Variants in SCNN1A observed in about 807,000 individuals in gnomAD.
SCNN1A encodes the protein epithelial sodium channel subunit alpha.
Under a neutral mutation model 68.6 loss-of-function variants are expected in SCNN1A, and 65 were observed. The observed-to-expected ratio is 0.95, with a 90% CI of 0.78 to 1.16. The LOEUF (loss-of-function observed/expected upper bound fraction) is 1.16. Among genes scored for constraint, SCNN1A ranks in the 50% most tolerant of loss-of-function variants. SCNN1A has a pLI of 0.00. For missense variants in SCNN1A, 880 were observed against 865.9 expected, an observed-to-expected ratio of 1.02 and a Z score of -0.20; for synonymous variants, 357 against 353.3, an observed-to-expected ratio of 1.01 and a Z score of -0.12.
At chr12:6,369,833 C>CAAAAAAAAAAAAAAAAA (rs397850777) in intron 2 of SCNN1A, among the ~76,000 whole-genome samples, 1 of 93,630 alleles carries the variant, frequency 1.1e-5, no homozygotes, top group African/African-American at 4.1e-5. Context: ...GACTCTGTCT[C>CAAAAAAAAAAAAAAAAA]AAAAAAAAAA....
chr12:6,371,569 TGGGGCGGGGGGC>T (rs1463738409), intron 2 of SCNN1A, among the ~76,000 whole-genome samples: 1 of 14,644 alleles, frequency 6.8e-5, no homozygotes, highest in Non-Finnish European at 1.3e-4. Context: ...GGGGTGGGGG[TGGGGCGGGGGGC>T]GGGGGATGAT....
intron 8 of SCNN1A, among the ~76,000 whole-genome samples, chr12:6,352,102 T>G (rs1948398941): frequency 6.6e-6 from 1 of 152,134 alleles, no homozygotes; most frequent in Non-Finnish European, 1.5e-5. Context: ...CCAAAACTGA[T>G]TATATGATGA....
At chr12:6,360,102 T>C (rs1007720905) in intron 4 of SCNN1A, among the ~76,000 whole-genome samples, 6 of 152,186 alleles carry the variant, frequency 3.9e-5, no homozygotes, top group African/African-American at 1.2e-4. Context: ...CAAAATGGAC[T>C]AACACACAGG....
rs748661953 is a variant in SCNN1A at position 6,354,857 on chromosome 12, C to A, written c.1144-9G>T. ...AGTCTGTCCAGGGTTTCCTATGAAC[C>A]CACATACACCAAGAGATCAGAGGAC... On this transcript the variant is annotated splice_polypyrimidine_tract_variant and intron_variant, in intron 6 of 12. Coordinates refer to ENST00000228916, the MANE Select transcript of SCNN1A (RefSeq NM_001038.6). The A allele has an allele frequency of 2.0e-5, 32 of 1,606,970 alleles. No homozygotes were observed. The Admixed American group carries it at 4.0e-4, about 20-fold the overall frequency.
In SCNN1A at chr12:6,363,479, C is replaced by T. The variant is rs780536807; in HGVS notation, c.648G>A (p.Gln216=). The T allele has an allele frequency of 3.7e-6, 6 of 1,606,020 alleles. No individual in the cohort carries two copies. The highest frequency in any genetic ancestry group is 3.3e-5 in the South Asian group (3 of 90,024). Reference sequence around the variant, plus strand: ...CGATCTTCCAGTCCTTCCAGTCCACCTGGGGGTTGTTGTCCCGCAAGCTGG... The same window carrying T: ...CGATCTTCCAGTCCTTCCAGTCCACTTGGGGGTTGTTGTCCCGCAAGCTGG... ...VASSLRDNNP[Q]VDWKDWKIGF... is the part of the protein sequence containing the mutation. Residue 216 remains glutamine (Q), a synonymous_variant, in exon 3 of 13, where the codon CAG becomes CAA. Coordinates refer to ENST00000228916, the MANE Select transcript of SCNN1A (RefSeq NM_001038.6).
At chr12:6,361,968 T>G in intron 4 of SCNN1A, 83 bp downstream of exon 4, 1 of 1,451,938 alleles carries the variant, frequency 6.9e-7, no homozygotes, top group Non-Finnish European at 9.6e-7. Flanking sequence ...AAGCATTTCC[T>G]GGGCCCTGCC....
At chr12:6,375,263 C>G in intron 1 of SCNN1A, 1 of 1,438,314 alleles carries the variant, frequency 7.0e-7, no homozygotes, top group Non-Finnish European at 9.1e-7. Context: ...TCTGGCCTGC[C>G]TCCTCTCTCT....
chr12:6,366,787 C>T lies in SCNN1A; in HGVS notation c.417-3077G>A, dbSNP rs182738419. 4.0e-3 allele frequency among the ~76,000 whole-genome samples: 583 copies of T among 145,194 alleles called. 3 individuals are homozygous for T. The highest frequency in any genetic ancestry group is 0.014 in the African/African-American group (560 of 39,080). On this transcript the variant is annotated intron_variant, in intron 2 of 12. Coordinates refer to ENST00000228916, the MANE Select transcript of SCNN1A (RefSeq NM_001038.6). ...TGCACTCCAGCCTGGGCAACCAGAG[C>T]GAAACTCCATCTCAAAAAAAAAAAA...
At chr12:6,370,946 T>TGGAAACATGACTGTAGGCTCATGTTTTCC (rs1352402532) in intron 2 of SCNN1A, among the ~76,000 whole-genome samples, 1 of 152,158 alleles carries the variant, frequency 6.6e-6, no homozygotes, top group Non-Finnish European at 1.5e-5. Flanking sequence ...TGACTGTAGG[T>TGGAAACATGACTGTAGGCTCATGTTTTCC]ATGACTGGCC....
rs181776220 is a variant in SCNN1A, at chr12:6,369,673, A to T, written c.416+4695T>A. On this transcript the variant is annotated intron_variant, in intron 2 of 12. Transcript: ENST00000228916. ...CGGCGAAACCCCGTCTCTACTAAAA[A>T]AGTATGATAAATTAGCCGGGCATGG... Among the ~76,000 whole-genome samples, 464 of 152,230 alleles carry T rather than the reference A, an allele frequency of 3.0e-3. 2 individuals carry two copies. The Middle Eastern group carries it at 0.034, about 11-fold the overall frequency.
chr12:6,365,363 C>T (rs2364468), intron 2 of SCNN1A, among the ~76,000 whole-genome samples: 41,741 of 152,106 alleles, frequency 0.27, 7,326 homozygotes, highest in East Asian at 0.46. Context: ...GCTTCTAAGA[C>T]TTATCTGGAA....
chr12:6,362,427 T>C (rs1025374633), intron 3 of SCNN1A, among the ~76,000 whole-genome samples, 186 bp from the exon 4 acceptor site: 1 of 151,886 alleles, frequency 6.6e-6, no homozygotes, highest in Non-Finnish European at 1.5e-5. Flanking sequence ...CAGGGGAGCA[T>C]GGGATTAAGG....
chr12:6,347,881 C>T lies in SCNN1A; in HGVS notation c.2002G>A (p.Gly668Arg). 6.2e-7 allele frequency: 1 copy of T among 1,602,022 alleles called. No individual in the cohort carries two copies. The highest frequency in any genetic ancestry group is 8.5e-7 in the Non-Finnish European group (1 of 1,174,682). Reference sequence around the variant, plus strand: ...AAACCTCTCCTTCCCTCTCAGGGCCCCCCCAGAGGACAGGTGGAGGAACTG... The same window carrying T: ...AAACCTCTCCTTCCCTCTCAGGGCCTCCCCAGAGGACAGGTGGAGGAACTG... ...GASSSTCPLG[G>R]P The change falls in exon 13 of 13, where the codon GGG (glycine) becomes AGG (arginine). Residue 668 changes from glycine (G) to arginine (R), a missense_variant. Gly to Arg is a moderately radical substitution (Grantham distance 125). Coordinates refer to ENST00000228916, the MANE Select transcript of SCNN1A (RefSeq NM_001038.6).
intron 8 of SCNN1A, among the ~76,000 whole-genome samples, chr12:6,352,557 A>C (rs1275775948): frequency 6.6e-6 from 1 of 152,210 alleles, no homozygotes; most frequent in African/African-American, 2.4e-5. Flanking sequence ...AGTAGAAATA[A>C]TTATTTGAGG....
chr12:6,360,784 C>A (rs973777374), intron 4 of SCNN1A, among the ~76,000 whole-genome samples: 2 of 151,816 alleles, frequency 1.3e-5, no homozygotes, highest in South Asian at 2.1e-4. Flanking sequence ...GAAGGGGACC[C>A]CCCCCTCGCC....
rs1683186112 is a variant in SCNN1A at position 6,372,598 on chromosome 12, C to A, written c.416+1770G>T. On this transcript the variant is annotated intron_variant, in intron 2 of 12. Coordinates refer to ENST00000228916, the MANE Select transcript of SCNN1A (RefSeq NM_001038.6). This position sits in a 1 kb window ranked among gnomAD's most constrained non-coding sequence, Gnocchi z 5.8. ...GAACCTAAGAACTGTGCAGGCCTCA[C>A]CCGATTCACCCCTGCCCTCCCTTTC... is the stretch of plus-strand genomic sequence containing the variant. Among the ~76,000 whole-genome samples, 1 of 152,226 alleles carries A rather than the reference C, an allele frequency of 6.6e-6. No homozygotes were observed. Among genetic ancestry groups the A allele is most frequent in the South Asian group, 2.1e-4 (1 of 4,830 alleles).
rs72645127 is a variant in SCNN1A, at chr12:6,374,707, C to T, written c.77G>A (p.Arg26His). ...STPGLMKGNK[R>H]EEQGLGPEPA... The stretch of plus-strand genomic sequence containing the variant: ...TTCGGGGCCCAGCCCCTGCTCCTCA[C>T]GCTTGTTCCCCTTCATGAGCCCTGG... Residue 26 changes from arginine to histidine, a missense_variant, in exon 2 of 13, where the codon CGT (arginine) becomes CAT (histidine). Physicochemically the swap from Arg to His is conservative, Grantham distance 29 (BLOSUM62 0). Around this residue, in one of 3 missense-constraint regions of SCNN1A, gnomAD observed 77 missense variants for 67.4 expected, o/e 1.14. Coordinates refer to ENST00000228916, the MANE Select transcript of SCNN1A (RefSeq NM_001038.6). This position sits in a 1 kb window ranked among gnomAD's most constrained non-coding sequence, Gnocchi z 6.2. 79 of 1,614,000 alleles carry T rather than the reference C, an allele frequency of 4.9e-5. No homozygotes were observed. Among genetic ancestry groups the T allele is most frequent in the Middle Eastern group, 1.6e-4 (1 of 6,082 alleles).
At position 6,354,025 on chromosome 12, in the gene SCNN1A, T is replaced by C. The variant is rs182203319; in HGVS notation, c.1360+413A>G. 99 of 214,546 alleles carry C rather than the reference T, an allele frequency of 4.6e-4. No homozygotes were observed. The East Asian group carries it at 9.1e-3, about 20-fold the overall frequency. 13.3% of individuals were successfully genotyped at this position (214,546 alleles called of 1,614,324 possible). On this transcript the variant is annotated intron_variant, in intron 8 of 12. Transcript: ENST00000228916. ...GCGGGTGGATCATGAGGTCAGGAGA[T>C]TGAGACCATCCTGGCTAACAGGGTG...
At chr12:6,349,738 T>C (rs1948341235) in intron 8 of SCNN1A, 2 of 257,380 alleles carry the variant, frequency 7.8e-6, no homozygotes, top group Non-Finnish European at 1.5e-5. Flanking sequence ...TAAATTAATT[T>C]TTTTTTTAGA....
Sources: allele counts gnomAD v4.1 joint callset (sites outside exome capture counted in the v4.1 genomes callset), GRCh38; gene constraint gnomAD v4.1.1; regional missense constraint gnomAD v4.1.1; non-coding constraint Gnocchi (gnomAD v3.1); transcripts MANE v1.5; gene names NCBI Gene and HGNC (gene_info 2026-07-23, HGNC 2026-07-21).